AR: variants seen among roughly 807,000 people sequenced by gnomAD.
AR encodes the protein dihydrotestosterone receptor.
A neutral mutation model predicts 53.9 loss-of-function variants in AR; 8 were observed. The ratio of observed to expected loss-of-function variants is 0.15; its 90% CI spans 0.09 to 0.27. The LOEUF (loss-of-function observed/expected upper bound fraction) is 0.27. Ranked by LOEUF, AR falls within the 10% of genes least tolerant of loss-of-function variation. The probability of loss-of-function intolerance (pLI) is 1.00; values close to 1 mark genes in which losing one functional copy is unlikely to be tolerated. For synonymous variants in AR, 359 were observed against 316.4 expected, an observed-to-expected ratio of 1.13 and a Z score of -1.43; for missense variants, 639 against 742.5, an observed-to-expected ratio of 0.86 and a Z score of 1.62.
intron 2 of AR, among the ~76,000 whole-genome samples, chrX:67,649,004 C>A (rs750919144): frequency 5.4e-5 from 6 of 111,704 alleles, no homozygotes; most frequent in Non-Finnish European, 1.1e-4. Context: ...AGGTATTTCT[C>A]CTAATGCTAT....
At chrX:67,615,419 A>T (rs1156743139) in intron 1 of AR, among the ~76,000 whole-genome samples, 3 of 111,253 alleles carry the variant, frequency 2.7e-5, no homozygotes, top group Non-Finnish European at 3.8e-5. Context: ...GCAATCCCAT[A>T]TTCTAAACGT....
intron 1 of AR, among the ~76,000 whole-genome samples, chrX:67,632,923 A>C (rs967218082): frequency 8.9e-6 from 1 of 112,115 alleles, no homozygotes; most frequent in African/African-American, 3.2e-5. Flanking sequence ...GCTCAACATC[A>C]TTAGTCATTA....
At position 67,730,071 on chromosome X, in the gene AR, T is replaced by C. The variant is rs983755035; in HGVS notation, c.*6230T>C. 5.8e-6 allele frequency: 1 copy of C among 173,193 alleles called. No individual in the cohort carries two copies. Among genetic ancestry groups the C allele is most frequent in the East Asian group, 8.1e-5 (1 of 12,330 alleles). The allele number at this position is 173,193 out of a possible 1,213,427, so 14.3% of individuals were successfully genotyped here. A position where few individuals can be genotyped will look rare whatever the true frequency, so the allele number is the denominator to read the frequency against. Reference sequence around the variant, plus strand: ...ACTGGAACATTGATTAGGGAGTGCCTCAGACATGACATTCTTGTGCTGTCC... The same window carrying C: ...ACTGGAACATTGATTAGGGAGTGCCCCAGACATGACATTCTTGTGCTGTCC... On this transcript the variant is annotated 3_prime_UTR_variant, in exon 8 of 8. Coordinates refer to ENST00000374690, the MANE Select transcript of AR (RefSeq NM_000044.6).
At chrX:67,686,204 GA>G in intron 3 of AR, 78 bp downstream of exon 3, 1 of 1,044,921 alleles carries the variant, frequency 9.6e-7, no homozygotes, top group South Asian at 2.0e-5. Flanking sequence ...CTTTAGACCA[GA>G]TTTTCTTCTT....
chrX:67,596,039 G>A (rs1741682407), intron 1 of AR, among the ~76,000 whole-genome samples: 1 of 109,653 alleles, frequency 9.1e-6, no homozygotes, highest in African/African-American at 3.3e-5. Flanking sequence ...GTGCTGTTGT[G>A]GTGATAGTAA....
chrX:67,717,351 C>A, intron 4 of AR, 127 bp from the exon 5 acceptor site: 1 of 942,818 alleles, frequency 1.1e-6, no homozygotes, highest in Non-Finnish European at 1.5e-6. Context: ...AATGGCCAGC[C>A]TGGATGGTCC....
At chrX:67,549,556 C>G (rs1451806647) in intron 1 of AR, among the ~76,000 whole-genome samples, 1 of 111,876 alleles carries the variant, frequency 8.9e-6, no homozygotes, top group African/African-American at 3.3e-5. Flanking sequence ...TGTCTGTCTT[C>G]TCTCTGAGAT....
chrX:67,576,448 AAGAG>A (rs905480036), intron 1 of AR, among the ~76,000 whole-genome samples: 7 of 110,123 alleles, frequency 6.4e-5, no homozygotes, highest in East Asian at 2.8e-4. Flanking sequence ...GACAAAAAAA[AAGAG>A]AGAGAGAGAG....
chrX:67,644,506 A>G (rs749701692), intron 2 of AR, among the ~76,000 whole-genome samples: 1 of 111,998 alleles, frequency 8.9e-6, no homozygotes, highest in East Asian at 2.8e-4. Flanking sequence ...GTCTTAAAAC[A>G]TAGGTATGTA....
intron 1 of AR, among the ~76,000 whole-genome samples, chrX:67,589,929 C>T (rs1391413727): frequency 8.9e-6 from 1 of 111,767 alleles, no homozygotes; most frequent in East Asian, 2.8e-4. Flanking sequence ...ATCTAGGTTG[C>T]CACTGTCATT....
chrX:67,674,770 A>T (rs2075889460), intron 2 of AR, among the ~76,000 whole-genome samples: 1 of 111,554 alleles, frequency 9.0e-6, no homozygotes, highest in Non-Finnish European at 1.9e-5. Context: ...AGTTTCCCCA[A>T]GAGTCCATTT....
At chrX:67,665,384 G>A (rs1468185813) in intron 2 of AR, among the ~76,000 whole-genome samples, 1 of 112,428 alleles carries the variant, frequency 8.9e-6, no homozygotes, top group East Asian at 2.8e-4. Context: ...TCATCAAAAT[G>A]CCCATTAGTA....
intron 1 of AR, among the ~76,000 whole-genome samples, chrX:67,608,765 A>G (rs1259906727): frequency 8.9e-6 from 1 of 112,096 alleles, no homozygotes; most frequent in Non-Finnish European, 1.9e-5. Flanking sequence ...TTTATTTTCT[A>G]TATTTGTCCA....
chrX:67,651,241 G>A (rs908693541), intron 2 of AR, among the ~76,000 whole-genome samples: 1 of 106,704 alleles, frequency 9.4e-6, no homozygotes, highest in Non-Finnish European at 1.9e-5. Context: ...TAGAGACAGG[G>A]TTTCACCATA....
At chrX:67,627,876 C>G (rs1186589022) in intron 1 of AR, among the ~76,000 whole-genome samples, 1 of 111,800 alleles carries the variant, frequency 8.9e-6, no homozygotes, top group Non-Finnish European at 1.9e-5. Flanking sequence ...TTTTCCAGCA[C>G]CATTTATTAA....
Position 67,727,886 on chromosome X carries a change from G to C in AR, c.*4045G>C. On this transcript the variant is annotated 3_prime_UTR_variant, in exon 8 of 8. Transcript: ENST00000374690. ...CACCAGATCAAATCCAAAACTTAAA[G>C]TCAAAATAAGCCATTCAGCATGTTC... 1 of 174,463 alleles carries C rather than the reference G, an allele frequency of 5.7e-6. No homozygotes were observed. The highest frequency in any genetic ancestry group is 1.1e-5 in the Non-Finnish European group (1 of 90,857). 14.4% of individuals were successfully genotyped at this position (174,463 alleles called of 1,213,427 possible).
At chrX:67,675,390 C>A (rs1015192029) in intron 2 of AR, among the ~76,000 whole-genome samples, 1 of 111,196 alleles carries the variant, frequency 9.0e-6, no homozygotes, top group Non-Finnish European at 1.9e-5. Context: ...ATTCTTGTGG[C>A]TTACACTGCC....
At chrX:67,714,606 T>C (rs2076105767) in intron 4 of AR, among the ~76,000 whole-genome samples, 1 of 111,879 alleles carries the variant, frequency 8.9e-6, no homozygotes, top group Admixed American at 9.5e-5. Context: ...AAAAATATGA[T>C]GTCAATCGGA....
chrX:67,596,242 T>C (rs1012854505), intron 1 of AR, among the ~76,000 whole-genome samples: 1 of 104,900 alleles, frequency 9.5e-6, no homozygotes, highest in South Asian at 4.2e-4. Context: ...TTAAACCTCT[T>C]TTTTTTTTTT....
Sources: gnomAD v4.1 joint callset for allele counts (sites outside exome capture counted in the v4.1 genomes callset) on GRCh38, gnomAD v4.1.1 for gene constraint, MANE v1.5 for transcripts, NCBI Gene and HGNC (gene_info 2026-07-23, HGNC 2026-07-21) for gene names.